PIK3C2G: variants seen among roughly 807,000 people sequenced by gnomAD.
PIK3C2G encodes the protein phosphatidylinositol 3-kinase C2 domain-containing subunit gamma.
PIK3C2G carries 168 observed loss-of-function variants against 181.1 expected under a neutral mutation model. The observed-to-expected ratio is 0.93, with a 90% CI of 0.82 to 1.05. The LOEUF (loss-of-function observed/expected upper bound fraction) is 1.05. Ranked by LOEUF, PIK3C2G falls within the 50% of genes least tolerant of loss-of-function variation. The pLI, the probability that PIK3C2G is intolerant of heterozygous loss-of-function variation, is 0.00. For synonymous variants in PIK3C2G, 573 were observed against 592.2 expected (o/e 0.97, Z 0.47); for missense variants, 1,869 against 1,732.8 (o/e 1.08, Z -1.40).
chr12:18,634,982 G>C (rs1005153426), intron 31 of PIK3C2G, among the ~76,000 whole-genome samples: 5 of 152,154 alleles, frequency 3.3e-5, no homozygotes, highest in African/African-American at 1.2e-4. Flanking sequence ...CAAACCACTG[G>C]CTGCAACCCA....
chr12:18,311,036 A>C (rs1287873573), intron 5 of PIK3C2G, among the ~76,000 whole-genome samples: 10 of 152,034 alleles, frequency 6.6e-5, no homozygotes. Flanking sequence ...AATTTTTCTT[A>C]TCTCTTTTAT....
chr12:18,615,434 T>C (rs1948562703), intron 31 of PIK3C2G, among the ~76,000 whole-genome samples: 1 of 151,604 alleles, frequency 6.6e-6, no homozygotes. Context: ...GGTATATATA[T>C]ATATACCTAA....
chr12:18,559,846 A>AGAGAGAGAGAGG (rs1945252947), intron 26 of PIK3C2G, among the ~76,000 whole-genome samples: 1 of 135,960 alleles, frequency 7.4e-6, no homozygotes, highest in Non-Finnish European at 1.6e-5. Flanking sequence ...AGAGAGAGAG[A>AGAGAGAGAGAGG]GAGAGAGAGA....
At chr12:18,530,734 A>G (rs1403268740) in intron 24 of PIK3C2G, among the ~76,000 whole-genome samples, 2 of 152,070 alleles carry the variant, frequency 1.3e-5, no homozygotes, top group Admixed American at 6.6e-5. Flanking sequence ...GTGAATTCTC[A>G]TGAGAACTGG....
chr12:18,587,497 AG>A (rs1289921618), intron 29 of PIK3C2G, among the ~76,000 whole-genome samples: 1 of 152,176 alleles, frequency 6.6e-6, no homozygotes, highest in Non-Finnish European at 1.5e-5. Flanking sequence ...ACAACTAACC[AG>A]AGAGGTGAAT....
At chr12:18,663,327 T>G in the PIK3C2G span, among the ~76,000 whole-genome samples, 7,328 of 152,168 alleles carry the variant, frequency 0.048, 275 homozygotes, top group African/African-American at 0.1. Flanking sequence ...TAGAAAACCA[T>G]GAGTCCAGAA....
intron 5 of PIK3C2G, among the ~76,000 whole-genome samples, chr12:18,310,202 C>T (rs1388842507): frequency 2.0e-5 from 3 of 151,736 alleles, no homozygotes; most frequent in African/African-American, 7.3e-5. Flanking sequence ...GAATTTGCTA[C>T]ACATTTAAGA....
At chr12:18,560,186 C>T (rs1020146940) in intron 26 of PIK3C2G, among the ~76,000 whole-genome samples, 32 of 151,542 alleles carry the variant, frequency 2.1e-4, no homozygotes, top group Admixed American at 1.1e-3. Flanking sequence ...AGCCCCAGAC[C>T]GTAAAAAATC....
At chr12:18,669,578 G>A in the PIK3C2G span, among the ~76,000 whole-genome samples, 1 of 152,152 alleles carries the variant, frequency 6.6e-6, no homozygotes, top group Admixed American at 6.5e-5. Flanking sequence ...TTGTTGGTGA[G>A]GGCCCCTATT....
In PIK3C2G at chr12:18,635,923, C is replaced by A. The variant is rs546203685; in HGVS notation, c.4183-4506C>A. 3.0e-4 allele frequency among the ~76,000 whole-genome samples: 45 copies of A among 152,238 alleles called. 1 individual carries two copies. The South Asian group carries it at 4.1e-3, about 14-fold the overall frequency. On this transcript the variant is annotated intron_variant, in intron 31 of 32. Transcript: ENST00000538779. The stretch of plus-strand genomic sequence containing the variant: ...AGGAGAAGCCAGCTGCAACAACGTA[C>A]CCTTTATCTTAGAAGGGATATATCA...
chr12:18,360,636 T>C (rs1343350809), intron 11 of PIK3C2G, among the ~76,000 whole-genome samples: 1 of 152,224 alleles, frequency 6.6e-6, no homozygotes, highest in African/African-American at 2.4e-5. Flanking sequence ...TTTTATCAAA[T>C]ATGGTATTCT....
chr12:18,538,852 C>T (rs1207482421), intron 25 of PIK3C2G, among the ~76,000 whole-genome samples: 11 of 151,922 alleles, frequency 7.2e-5, no homozygotes, highest in Admixed American at 7.2e-4. Context: ...GTCCTACACA[C>T]TCTCTTGTGA....
intron 26 of PIK3C2G, among the ~76,000 whole-genome samples, chr12:18,549,846 G>A (rs1026871638): frequency 2.6e-5 from 4 of 151,886 alleles, no homozygotes; most frequent in Admixed American, 2.6e-4. Flanking sequence ...CCCCTAAAGG[G>A]TAACTTGGCA....
At chr12:18,527,597 T>C (rs554236761) in intron 24 of PIK3C2G, among the ~76,000 whole-genome samples, 1 of 152,232 alleles carries the variant, frequency 6.6e-6, no homozygotes, top group South Asian at 2.1e-4. Flanking sequence ...CTACTTCTGT[T>C]TCAAGTATAG....
chr12:18,684,229 C>A, the PIK3C2G span: 3 of 1,611,070 alleles, frequency 1.9e-6, no homozygotes, highest in Non-Finnish European at 2.5e-6. Flanking sequence ...AATGCCAATT[C>A]TGGGACATGA....
chr12:18,383,773 T>A (rs1427852509), intron 14 of PIK3C2G, among the ~76,000 whole-genome samples: 1 of 151,496 alleles, frequency 6.6e-6, no homozygotes, highest in African/African-American at 2.4e-5. Flanking sequence ...AACAGGAAGA[T>A]CGGATATGTG....
chr12:18,427,909 G>C (rs1184352975), intron 18 of PIK3C2G, among the ~76,000 whole-genome samples: 1 of 152,138 alleles, frequency 6.6e-6, no homozygotes, highest in Admixed American at 6.5e-5. Flanking sequence ...TATGAAAAAA[G>C]AGAAATAAAA....
intron 5 of PIK3C2G, among the ~76,000 whole-genome samples, chr12:18,311,591 A>T (rs1950640142): frequency 6.6e-6 from 1 of 151,976 alleles, no homozygotes; most frequent in South Asian, 2.1e-4. Context: ...ATAAATTTTA[A>T]TACTACAGTA....
At chr12:18,702,818 C>CTTTTTTT in the PIK3C2G span, among the ~76,000 whole-genome samples, 35 of 116,594 alleles carry the variant, frequency 3.0e-4, no homozygotes, top group East Asian at 5.2e-4. Context: ...GATAAAGTAA[C>CTTTTTTT]TTTTTTTTTT....
Sources: gnomAD v4.1 joint callset for allele counts (sites outside exome capture counted in the v4.1 genomes callset) on GRCh38, gnomAD v4.1.1 for gene constraint, MANE v1.5 for transcripts, NCBI Gene and HGNC (gene_info 2026-07-23, HGNC 2026-07-21) for gene names.